R3HDM1: variants seen among roughly 807,000 people sequenced by gnomAD.
R3HDM1 encodes the protein R3H domain-containing protein 1.
Under a neutral mutation model 141.1 loss-of-function variants are expected in R3HDM1, and 46 were observed. The ratio of observed to expected loss-of-function variants is 0.33; its 90% CI spans 0.26 to 0.42. R3HDM1 has a LOEUF of 0.42. Ranked by LOEUF, R3HDM1 falls within the 10% of genes least tolerant of loss-of-function variation. The probability of loss-of-function intolerance (pLI) is 1.00; values close to 1 mark genes in which losing one functional copy is unlikely to be tolerated. For synonymous variants in R3HDM1, 435 were observed against 472.9 expected (o/e 0.92, Z 1.04); for missense variants, 1,184 against 1,368.3 (o/e 0.87, Z 2.12).
intron 1 of R3HDM1, chr2:135,559,170 G>A (rs1477646692): frequency 2.0e-6 from 1 of 497,156 alleles, no homozygotes; most frequent in East Asian, 1.6e-4. Flanking sequence ...AGAGTGCAGT[G>A]GCATGATCAC....
At chr2:135,713,215 G>C (rs1575208799) in intron 23 of R3HDM1, among the ~76,000 whole-genome samples, 1 of 152,044 alleles carries the variant, frequency 6.6e-6, no homozygotes, top group African/African-American at 2.4e-5. Context: ...AAAAACAAAA[G>C]GAGGGGGAAC....
At chr2:135,621,880 C>T in intron 6 of R3HDM1, 1 of 976,732 alleles carries the variant, frequency 1.0e-6, no homozygotes, top group Non-Finnish European at 1.2e-6. Flanking sequence ...ATACTAAAGT[C>T]ATTATAATTT....
Position 135,710,228 on chromosome 2 carries a change from C to T in R3HDM1, c.2733C>T (p.Val911=). Residue 911 remains valine, a synonymous_variant, in exon 23 of 27, where the codon GTC becomes GTT. Transcript: ENST00000683871. ...AATTTAGCAGTGTAGACAATATTGTCCAGGTAAGATGGTTTTGTTCATTAT... is the reference window on the plus strand; with the variant it reads ...AATTTAGCAGTGTAGACAATATTGTTCAGGTAAGATGGTTTTGTTCATTAT... ...CVEFSSVDNI[V]QHSPQLSSPI... The T allele has an allele frequency of 1.2e-6, 2 of 1,611,960 alleles. No individual in the cohort carries two copies. The highest frequency in any genetic ancestry group is 1.7e-6 in the Non-Finnish European group (2 of 1,178,660).
rs1268182345 is a variant in R3HDM1 at position 135,591,069 on chromosome 2, CAG to C, written c.-249-11429_-249-11428del. Among the ~76,000 whole-genome samples the C allele has an allele frequency of 1.2e-4, 18 of 152,198 alleles. No individual in the cohort carries two copies. In the East Asian group the frequency reaches 3.5e-3, roughly 29 times the overall value. Reference sequence around the variant, plus strand: ...CTAAATTAAAATCCTATAAAGGAAACAGATTTTTTGGTGTAGGAAGGAAATGG... The same window carrying C: ...CTAAATTAAAATCCTATAAAGGAAACATTTTTTGGTGTAGGAAGGAAATGG... On this transcript the variant is annotated intron_variant, in intron 1 of 26. Transcript: ENST00000683871.
At chr2:135,668,226 TTTA>T (rs533725042) in intron 19 of R3HDM1, among the ~76,000 whole-genome samples, 39 of 152,232 alleles carry the variant, frequency 2.6e-4, no homozygotes, top group Non-Finnish European at 4.9e-4. Flanking sequence ...AGATCCCAGT[TTTA>T]TTTTCTTTTT....
intron 20 of R3HDM1, among the ~76,000 whole-genome samples, chr2:135,677,927 C>T (rs980601683): frequency 5.9e-5 from 9 of 151,910 alleles, no homozygotes; most frequent in Non-Finnish European, 1.2e-4. Flanking sequence ...CGGTCGCTTG[C>T]TCTCTCTCGC....
At chr2:135,670,677 T>C (rs2068207865) in intron 19 of R3HDM1, among the ~76,000 whole-genome samples, 1 of 152,218 alleles carries the variant, frequency 6.6e-6, no homozygotes, top group Non-Finnish European at 1.5e-5. Context: ...ACTTTTTCTA[T>C]GTTTGTATTT....
intron 11 of R3HDM1, among the ~76,000 whole-genome samples, chr2:135,637,678 G>A (rs979910045): frequency 3.3e-5 from 5 of 152,148 alleles, no homozygotes; most frequent in Admixed American, 3.3e-4. Flanking sequence ...TCTAGCCTGA[G>A]TGATATAGGA....
At chr2:135,631,247 T>C (rs1183780703) in intron 7 of R3HDM1, among the ~76,000 whole-genome samples, 1 of 152,162 alleles carries the variant, frequency 6.6e-6, no homozygotes, top group Non-Finnish European at 1.5e-5. Context: ...GTCCTGAGCC[T>C]AACTAAAGAT....
chr2:135,543,195 C>T lies in R3HDM1; in HGVS notation c.-250+11562C>T, dbSNP rs1287529972. On this transcript the variant is annotated intron_variant, in intron 1 of 26. Transcript: ENST00000683871. ...CAGATTTATTTTTATACGTGAATAT[C>T]TAGTTTTCTGCACCATTAGTTGAAA... 2.1e-5 allele frequency: 12 copies of T among 575,764 alleles called. No individual in the cohort carries two copies. The Admixed American group carries it at 5.7e-4, about 27-fold the overall frequency. 35.7% of individuals were successfully genotyped at this position (575,764 alleles called of 1,614,324 possible). A position where few individuals can be genotyped will look rare whatever the true frequency, so the allele number is the denominator to read the frequency against.
At chr2:135,581,244 T>G in intron 1 of R3HDM1, 1 of 985,398 alleles carries the variant, frequency 1.0e-6, no homozygotes. Flanking sequence ...GAAAGTGGGG[T>G]ATAAGATCCT....
intron 21 of R3HDM1, among the ~76,000 whole-genome samples, chr2:135,701,842 A>AAACCGCAG (rs2074241061): frequency 6.6e-6 from 1 of 152,192 alleles, no homozygotes; most frequent in Admixed American, 6.5e-5. Context: ...AAGGAAAGCA[A>AAACCGCAG]AACCACAGAT....
chr2:135,705,491 G>T (rs758148088), intron 21 of R3HDM1, among the ~76,000 whole-genome samples: 1 of 152,100 alleles, frequency 6.6e-6, no homozygotes, highest in Non-Finnish European at 1.5e-5. Flanking sequence ...GATATTGCTT[G>T]ATATTAAGCA....
chr2:135,615,534 C>T lies in R3HDM1; in HGVS notation c.172-618C>T, dbSNP rs2060944521. On this transcript the variant is annotated intron_variant, in intron 3 of 26. Coordinates refer to ENST00000683871, the MANE Select transcript of R3HDM1 (RefSeq NM_001378107.1). ...ATTCTCCAATCATGTGACTGATGGT[C>T]GGCCTGTCAGTCATGCTGGACATCC... Among the ~76,000 whole-genome samples, 4 of 152,174 alleles carry T rather than the reference C, an allele frequency of 2.6e-5. No individual in the cohort carries two copies. The South Asian group carries it at 6.2e-4, about 24-fold the overall frequency.
Position 135,633,433 on chromosome 2 carries a change from T to C in R3HDM1, c.698+1432T>C, listed in dbSNP as rs1251002904. On this transcript the variant is annotated intron_variant, in intron 9 of 26. Transcript: ENST00000683871. ...TTTCAATACAGTGTAACCTCAGTTA[T>C]TTGAATTATATGAATGATGTCAAAA... Among the ~76,000 whole-genome samples, 5 of 152,316 alleles carry C rather than the reference T, an allele frequency of 3.3e-5. No individual in the cohort carries two copies. In the East Asian group the frequency reaches 9.6e-4, roughly 29 times the overall value.
chr2:135,531,500 C>T lies in R3HDM1; in HGVS notation c.-383C>T, dbSNP rs553041939. On this transcript the variant is annotated 5_prime_UTR_variant, in exon 1 of 27. Coordinates refer to ENST00000683871, the MANE Select transcript of R3HDM1 (RefSeq NM_001378107.1). ...AGGGGCGGGATTCTGCCAGCCGCGG[C>T]TGCCGCTGGAGCCGGTGTCCGGGCT... is the stretch of plus-strand genomic sequence containing the variant. The T allele has an allele frequency of 2.4e-4, 233 of 985,922 alleles. No individual in the cohort carries two copies. The highest frequency in any genetic ancestry group is 2.8e-4 in the Non-Finnish European group (229 of 830,046). 61.1% of individuals were successfully genotyped at this position (985,922 alleles called of 1,614,324 possible). A position where few individuals can be genotyped will look rare whatever the true frequency, so the allele number is the denominator to read the frequency against.
At chr2:135,561,290 G>A (rs886848612) in intron 1 of R3HDM1, 93 of 984,988 alleles carry the variant, frequency 9.4e-5, no homozygotes, top group Non-Finnish European at 1.1e-4. Flanking sequence ...CATTTTATCT[G>A]TTGGTTCCAA....
chr2:135,641,583 C>T lies in R3HDM1; in HGVS notation c.1267C>T (p.His423Tyr), dbSNP rs199860629. 1 of 1,614,056 alleles carries T rather than the reference C, an allele frequency of 6.2e-7. No individual in the cohort carries two copies. Among genetic ancestry groups the T allele is most frequent in the South Asian group, 1.1e-5 (1 of 91,070 alleles). ...SVGSSTGSLS[H>Y]IQQPLPGTAL... ...AGGGTCATCTACAGGCTCTCTTTCTCACATCCAGCAGCCTCTTCCAGGTAC... is the reference window on the plus strand; with the variant it reads ...AGGGTCATCTACAGGCTCTCTTTCTTACATCCAGCAGCCTCTTCCAGGTAC... The change falls in exon 15 of 27, where the codon CAC becomes TAC. Residue 423 changes from histidine to tyrosine, a missense_variant. Physicochemically the swap from His to Tyr is moderately conservative, Grantham distance 83. Transcript: ENST00000683871.
intron 16 of R3HDM1, among the ~76,000 whole-genome samples, chr2:135,645,924 G>A (rs1273326268): frequency 1.3e-5 from 2 of 152,164 alleles, no homozygotes; most frequent in African/African-American, 4.8e-5. Context: ...CTCAGGTTCT[G>A]CAAGGTACTC....
Sources: gnomAD v4.1 joint callset for allele counts (sites outside exome capture counted in the v4.1 genomes callset) on GRCh38, gnomAD v4.1.1 for gene constraint, MANE v1.5 for transcripts, NCBI Gene and HGNC (gene_info 2026-07-23, HGNC 2026-07-21) for gene names.